PALM2AKAP2: variants seen among roughly 807,000 people sequenced by gnomAD.
PALM2AKAP2 encodes PALM2-AKAP2 fusion protein.
Under a neutral mutation model 71.5 loss-of-function variants are expected in PALM2AKAP2, and 37 were observed. The ratio of observed to expected loss-of-function variants is 0.52; its 90% CI spans 0.40 to 0.68. The LOEUF is 0.68. Among genes scored for constraint, PALM2AKAP2 ranks in the 30% least tolerant of loss-of-function variants. The pLI is 0.00. For missense variants in PALM2AKAP2, 1,224 were observed against 1,191.8 expected (o/e 1.03, Z -0.40); for synonymous variants, 468 against 478.8 (o/e 0.98, Z 0.29).
chr9:110,110,478 C>T (rs929545352), intron 1 of PALM2AKAP2, among the ~76,000 whole-genome samples: 3 of 151,942 alleles, frequency 2.0e-5, no homozygotes, highest in South Asian at 2.1e-4. Context: ...CTTTCTTTAC[C>T]CCTGAGACCT....
intron 1 of PALM2AKAP2, among the ~76,000 whole-genome samples, chr9:109,794,322 A>G (rs79235512): frequency 6.6e-6 from 1 of 152,168 alleles, no homozygotes; most frequent in East Asian, 1.9e-4. Context: ...CCCATCTGAA[A>G]TAAGTCCATA....
chr9:110,149,482 T>C (rs949837024), intron 2 of PALM2AKAP2, among the ~76,000 whole-genome samples: 2 of 152,216 alleles, frequency 1.3e-5, no homozygotes, highest in African/African-American at 4.8e-5. Flanking sequence ...TTTGTGCTGA[T>C]TGTAGAAAAA....
chr9:110,050,044 C>A (rs1400923886), intron 1 of PALM2AKAP2, among the ~76,000 whole-genome samples: 2 of 152,240 alleles, frequency 1.3e-5, no homozygotes, highest in Non-Finnish European at 2.9e-5. Flanking sequence ...TGATAGGCTG[C>A]GTGGTCAGAT....
chr9:110,062,224 A>G (rs1350752746), intron 1 of PALM2AKAP2, among the ~76,000 whole-genome samples: 3 of 152,128 alleles, frequency 2.0e-5, no homozygotes, highest in Non-Finnish European at 2.9e-5. Context: ...TGCATTAGCT[A>G]GTTATCCTGA....
intron 1 of PALM2AKAP2, among the ~76,000 whole-genome samples, chr9:109,681,873 A>G (rs1827741395): frequency 6.6e-6 from 1 of 152,078 alleles, no homozygotes; most frequent in Admixed American, 6.6e-5. Flanking sequence ...TTTAATCAGC[A>G]CCCCTCTCCC....
At chr9:109,756,298 C>A (rs1164756489) in intron 1 of PALM2AKAP2, among the ~76,000 whole-genome samples, 2 of 152,156 alleles carry the variant, frequency 1.3e-5, no homozygotes, top group African/African-American at 4.8e-5. Flanking sequence ...ATGAACATTT[C>A]TCTCGTGTCT....
intron 1 of PALM2AKAP2, among the ~76,000 whole-genome samples, chr9:109,769,984 T>G (rs1829231708): frequency 6.6e-6 from 1 of 152,090 alleles, no homozygotes; most frequent in African/African-American, 2.4e-5. Context: ...AAGCTTTGGT[T>G]GGGAGAAAGA....
At chr9:109,925,017 C>T (rs778982335) in intron 4 of PALM2AKAP2, 44 bp from the exon 5 acceptor site, 1 of 1,613,568 alleles carries the variant, frequency 6.2e-7, no homozygotes, top group East Asian at 2.2e-5. Flanking sequence ...GGGATTGTAC[C>T]CCCACATGTA....
chr9:109,746,265 C>T (rs1490211718), intron 1 of PALM2AKAP2, among the ~76,000 whole-genome samples: 1 of 152,176 alleles, frequency 6.6e-6, no homozygotes, highest in Non-Finnish European at 1.5e-5. Context: ...TTTAGGCTTG[C>T]TCTCTGATAA....
At chr9:109,851,972 C>T (rs908687637) in intron 1 of PALM2AKAP2, among the ~76,000 whole-genome samples, 1 of 152,072 alleles carries the variant, frequency 6.6e-6, no homozygotes, top group Non-Finnish European at 1.5e-5. Flanking sequence ...GAGAAAGCAA[C>T]ATGGAAACCA....
intron 2 of PALM2AKAP2, among the ~76,000 whole-genome samples, chr9:109,874,593 G>A (rs1230866907): frequency 6.6e-6 from 1 of 152,162 alleles, no homozygotes; most frequent in Non-Finnish European, 1.5e-5. Flanking sequence ...ATGTATATAT[G>A]ACTGCCAAAT....
chr9:109,873,517 A>C (rs866119297), intron 2 of PALM2AKAP2, among the ~76,000 whole-genome samples: 24 of 151,880 alleles, frequency 1.6e-4, no homozygotes, highest in African/African-American at 5.6e-4. Context: ...CCATATTCCA[A>C]CCATCATCCA....
Position 110,152,162 on chromosome 9 carries a change from G to C in PALM2AKAP2, c.2570-4157G>C, listed in dbSNP as rs190003166. On this transcript the variant is annotated intron_variant, in intron 2 of 3. Coordinates refer to ENST00000374525, the Ensembl canonical transcript of PALM2AKAP2. ...TGAGGCAGGAGAATCGCTTGAACCT[G>C]GGAGGCAGAGGTTGCAATGAACCCA... Among the ~76,000 whole-genome samples, 95 of 152,264 alleles carry C rather than the reference G, an allele frequency of 6.2e-4. 1 individual carries two copies. In the East Asian group the frequency reaches 0.016, roughly 26 times the overall value.
intron 2 of PALM2AKAP2, 104 bp downstream of exon 2, chr9:109,867,675 A>C (rs1282043032): frequency 2.3e-6 from 3 of 1,314,530 alleles, no homozygotes; most frequent in East Asian, 5.2e-5. Flanking sequence ...GCCGCCAACC[A>C]AACCAGCCTT....
intron 1 of PALM2AKAP2, among the ~76,000 whole-genome samples, chr9:109,784,620 T>G (rs1348064812): frequency 6.6e-6 from 1 of 152,250 alleles, no homozygotes; most frequent in Non-Finnish European, 1.5e-5. Context: ...AAGAAGCTTA[T>G]GAGGTAGGCA....
At chr9:109,660,745 G>C (rs1233446468) in intron 1 of PALM2AKAP2, among the ~76,000 whole-genome samples, 2 of 152,160 alleles carry the variant, frequency 1.3e-5, no homozygotes, top group Non-Finnish European at 2.9e-5. Context: ...ACCCCACACT[G>C]TCTTCCACAA....
chr9:110,166,745 C>T (rs1331002135), intron 3 of PALM2AKAP2, among the ~76,000 whole-genome samples: 1 of 152,086 alleles, frequency 6.6e-6, no homozygotes, highest in Non-Finnish European at 1.5e-5. Context: ...TCTGGGTGGT[C>T]CATTCCTTTG....
intron 1 of PALM2AKAP2, among the ~76,000 whole-genome samples, chr9:110,081,492 T>C (rs1042525877): frequency 3.3e-5 from 5 of 152,220 alleles, no homozygotes; most frequent in Non-Finnish European, 4.4e-5. Context: ...GTTCTTAAAA[T>C]AGAACATACC....
intron 6 of PALM2AKAP2, among the ~76,000 whole-genome samples, chr9:109,955,342 G>A (rs1481884715): frequency 6.6e-6 from 1 of 152,202 alleles, no homozygotes; most frequent in East Asian, 1.9e-4. Context: ...AGGAACCCAT[G>A]TGACTTATAT....
Sources: gnomAD v4.1 joint callset for allele counts (sites outside exome capture counted in the v4.1 genomes callset) on GRCh38, gnomAD v4.1.1 for gene constraint, MANE v1.5 for transcripts, NCBI Gene and HGNC (gene_info 2026-07-23, HGNC 2026-07-21) for gene names.